CPLX1: variants seen among roughly 807,000 people sequenced by gnomAD.
CPLX1 encodes complexin-1.
In CPLX1, 6 loss-of-function variants were observed where a neutral mutation model predicts 15.6. That is an observed-to-expected ratio of 0.39 (90% CI 0.21 to 0.76). The LOEUF (loss-of-function observed/expected upper bound fraction) is 0.76. CPLX1 is among the 30% of genes least tolerant of loss of function. CPLX1 has a pLI of 0.43. For missense variants in CPLX1, 242 were observed against 188.6 expected (o/e 1.28, Z -1.66); for synonymous variants, 91 against 75.2 (o/e 1.21, Z -1.08).
In CPLX1 at chr4:805,026, A is replaced by G. The variant is rs574227023; in HGVS notation, c.32-12418T>C. The G allele has an allele frequency of 4.0e-5, 31 of 769,694 alleles. No homozygotes were observed. In the African/African-American group the frequency reaches 5.5e-4, roughly 14 times the overall value. The allele number at this position is 769,694 out of a possible 1,614,324, so 47.7% of individuals were successfully genotyped here. On this transcript the variant is annotated intron_variant, in intron 2 of 3. Transcript: ENST00000304062. ...GAAACGTGCCCACGCACGCTCGCGCACCGTCTGTCTCGGCAGCGGCCCTGG... is the reference window on the plus strand; with the variant it reads ...GAAACGTGCCCACGCACGCTCGCGCGCCGTCTGTCTCGGCAGCGGCCCTGG...
intron 2 of CPLX1, chr4:804,661 T>G: frequency 1.1e-6 from 1 of 892,352 alleles, no homozygotes. Context: ...AACGCTTTTG[T>G]TCTTTTTGGG....
Position 786,718 on chromosome 4 carries a change from C to T in CPLX1, c.208-20G>A. The T allele has an allele frequency of 6.4e-7, 1 of 1,570,942 alleles. No individual in the cohort carries two copies. The highest frequency in any genetic ancestry group is 8.6e-7 in the Non-Finnish European group (1 of 1,157,774). On this transcript the variant is annotated intron_variant, in intron 3 of 3. Coordinates refer to ENST00000304062, the MANE Select transcript of CPLX1 (RefSeq NM_006651.4). ...GCCGTACTGCGGGGGAGGCGGGGGT[C>T]AGGGCGGGGGTCCCGGCGGCTCCCG... is the stretch of plus-strand genomic sequence containing the variant.
At chr4:815,039 A>G (rs1560245864) in intron 2 of CPLX1, among the ~76,000 whole-genome samples, 2 of 152,264 alleles carry the variant, frequency 1.3e-5, no homozygotes, top group Non-Finnish European at 2.9e-5. Flanking sequence ...GAGAACGAAC[A>G]TTTAGAAAAC....
At chr4:817,218 G>A (rs1746772899) in intron 2 of CPLX1, among the ~76,000 whole-genome samples, 1 of 148,358 alleles carries the variant, frequency 6.7e-6, no homozygotes, top group South Asian at 2.1e-4. Flanking sequence ...CGTTAAGCAA[G>A]GCTCAGCAGG....
chr4:787,751 T>A (rs1336098191), intron 3 of CPLX1: 1 of 984,992 alleles, frequency 1.0e-6, no homozygotes, highest in East Asian at 1.1e-4. Context: ...GGTTTCTAGA[T>A]CAATACGCCT....
At chr4:804,248 C>T (rs1317101216) in intron 2 of CPLX1, among the ~76,000 whole-genome samples, 4 of 152,242 alleles carry the variant, frequency 2.6e-5, no homozygotes, top group Non-Finnish European at 5.9e-5. Flanking sequence ...CACCTCTCTT[C>T]CTGATGACAC....
intron 2 of CPLX1, among the ~76,000 whole-genome samples, chr4:809,872 G>A (rs1354355331): frequency 1.3e-5 from 2 of 152,010 alleles, no homozygotes; most frequent in African/African-American, 4.8e-5. Flanking sequence ...GCAGGCGGGG[G>A]GACTGGCCCG....
intron 2 of CPLX1, among the ~76,000 whole-genome samples, chr4:802,976 A>C (rs1227611311): frequency 6.6e-6 from 1 of 152,042 alleles, no homozygotes; most frequent in Non-Finnish European, 1.5e-5. Flanking sequence ...AAATTCCAGA[A>C]AGCATGAAAG....
Position 808,390 on chromosome 4 carries a change from G to A in CPLX1, c.32-15782C>T, listed in dbSNP as rs372285775. ...GGATGTATCGAGGCCTCAATCCAGCGGCATGTCAGGGGTGGCCCATGCTGT... is the reference window on the plus strand; with the variant it reads ...GGATGTATCGAGGCCTCAATCCAGCAGCATGTCAGGGGTGGCCCATGCTGT... On this transcript the variant is annotated intron_variant, in intron 2 of 3. Coordinates refer to ENST00000304062, the MANE Select transcript of CPLX1 (RefSeq NM_006651.4). Among the ~76,000 whole-genome samples, 28 of 152,208 alleles carry A rather than the reference G, an allele frequency of 1.8e-4. No individual in the cohort carries two copies. In the South Asian group the frequency reaches 3.1e-3, roughly 17 times the overall value.
chr4:806,368 C>A (rs1176024643), intron 2 of CPLX1, among the ~76,000 whole-genome samples: 2 of 152,026 alleles, frequency 1.3e-5, no homozygotes, highest in African/African-American at 4.8e-5. Flanking sequence ...GAAACTGGAC[C>A]CCTTCCTTAC....
chr4:823,196 G>A (rs2152649047), intron 2 of CPLX1, among the ~76,000 whole-genome samples: 2 of 152,338 alleles, frequency 1.3e-5, no homozygotes, highest in South Asian at 4.1e-4. Context: ...TCCCAGCGCA[G>A]ATGCAGGCTT....
At chr4:806,431 A>G (rs1746555897) in intron 2 of CPLX1, among the ~76,000 whole-genome samples, 1 of 152,252 alleles carries the variant, frequency 6.6e-6, no homozygotes, top group Non-Finnish European at 1.5e-5. Flanking sequence ...TGTAAAACCC[A>G]AAAGTATAAA....
chr4:825,507 GC>G (rs1367163804), intron 1 of CPLX1, among the ~76,000 whole-genome samples: 1 of 151,894 alleles, frequency 6.6e-6, no homozygotes, highest in East Asian at 1.9e-4. Context: ...GCACGGCCGG[GC>G]CCCGCAGACC....
chr4:810,416 T>C (rs1184639775), intron 2 of CPLX1, among the ~76,000 whole-genome samples: 3 of 152,172 alleles, frequency 2.0e-5, no homozygotes, highest in Non-Finnish European at 4.4e-5. Flanking sequence ...GTGTATTAAA[T>C]TTCTATTTTG....
At chr4:802,406 A>T (rs1179005155) in intron 2 of CPLX1, among the ~76,000 whole-genome samples, 1 of 152,248 alleles carries the variant, frequency 6.6e-6, no homozygotes, top group Non-Finnish European at 1.5e-5. Flanking sequence ...GGTGATGGTG[A>T]AACTCATTGG....
At chr4:798,346 C>CA (rs1746385702) in intron 2 of CPLX1, among the ~76,000 whole-genome samples, 1 of 150,764 alleles carries the variant, frequency 6.6e-6, no homozygotes, top group Non-Finnish European at 1.5e-5. Context: ...TAGACCCATA[C>CA]ATATATTGTC....
intron 2 of CPLX1, among the ~76,000 whole-genome samples, chr4:804,459 T>A (rs1191194895): frequency 1.3e-5 from 2 of 151,724 alleles, no homozygotes; most frequent in African/African-American, 4.8e-5. Context: ...AGTACGAAAA[T>A]ATAACCTACT....
rs1396521123 is a variant in CPLX1, at chr4:792,277, C to A, written c.207+156G>T. 2.6e-5 allele frequency among the ~76,000 whole-genome samples: 4 copies of A among 152,184 alleles called. No homozygotes were observed. The East Asian group carries it at 7.8e-4, about 30-fold the overall frequency. ...GAGGGAGCCCAACCCGGAGCCCCCA[C>A]CCCTCACCCCTCCGCCACTCTGAAG... On this transcript the variant is annotated intron_variant, in intron 3 of 3. Transcript: ENST00000304062.
intron 2 of CPLX1, among the ~76,000 whole-genome samples, chr4:802,433 G>A (rs10004482): frequency 0.36 from 54,088 of 151,988 alleles, 10,409 homozygotes; most frequent in African/African-American, 0.5. Context: ...CCCTTAAGAG[G>A]GCAATGGTTA....
Sources: gnomAD v4.1 joint callset for allele counts (sites outside exome capture counted in the v4.1 genomes callset) on GRCh38, gnomAD v4.1.1 for gene constraint, MANE v1.5 for transcripts, NCBI Gene and HGNC (gene_info 2026-07-23, HGNC 2026-07-21) for gene names.